The following PANK2 variants were observed in gnomAD, a reference collection of about 807,000 sequenced individuals.
The protein encoded by PANK2 is pantothenate kinase 2.
PANK2 carries 36 observed loss-of-function variants against 43.1 expected under a neutral mutation model. The observed-to-expected ratio is 0.84, with a 90% CI of 0.64 to 1.10. The LOEUF is 1.10. Ranked by LOEUF, PANK2 falls within the 50% of genes least tolerant of loss-of-function variation. The pLI is 0.00. For synonymous variants in PANK2, 281 were observed against 238.2 expected, an observed-to-expected ratio of 1.18 and a Z score of -1.66; for missense variants, 576 against 593.3, an observed-to-expected ratio of 0.97 and a Z score of 0.30.
intron 1 of PANK2, chr20:3,890,080 C>T (rs1048919197): frequency 1.8e-6 from 1 of 559,960 alleles, no homozygotes. Context: ...TCCTTTCCTC[C>T]CAAATCCTTT....
chr20:3,913,917 T>C (rs1421288231), intron 4 of PANK2, among the ~76,000 whole-genome samples: 5 of 151,420 alleles, frequency 3.3e-5, no homozygotes, highest in Admixed American at 3.3e-4. Flanking sequence ...GCCTTCCAAG[T>C]AGCTGGGACT....
chr20:3,893,320 C>T (rs182361314), intron 1 of PANK2, among the ~76,000 whole-genome samples: 17 of 152,238 alleles, frequency 1.1e-4, no homozygotes, highest in Admixed American at 1.1e-3. Context: ...CTGTGGTTCT[C>T]AAGTTTTTAA....
Position 3,910,666 on chromosome 20 carries a change from G to A in PANK2, c.741G>A (p.Arg247=). 6.2e-7 allele frequency: 1 copy of A among 1,614,116 alleles called. No individual in the cohort carries two copies. The highest frequency in any genetic ancestry group is 1.7e-5 in the Admixed American group (1 of 60,008). The change falls in exon 3 of 7, where the codon CGG becomes CGA. Residue 247 remains arginine, a synonymous_variant. Coordinates refer to ENST00000610179, the MANE Select transcript of PANK2 (RefSeq NM_001386393.1). ...TTGACTCAGTCGGATTCAATGGACG[G>A]TCACAGTGCTATTACTTTGAAAACC... is the stretch of plus-strand genomic sequence containing the variant.
rs1204101211 is a variant in PANK2 at position 3,926,030 on chromosome 20, G to A, written c.*2736G>A. 6.6e-6 allele frequency: 1 copy of A among 152,592 alleles called. No individual in the cohort carries two copies. Among genetic ancestry groups the A allele is most frequent in the African/African-American group, 2.4e-5 (1 of 41,448 alleles). 9.5% of individuals were successfully genotyped at this position (152,592 alleles called of 1,614,324 possible). ...GGTGAGAAAGGAAGGCCTGAACTAA[G>A]ATGGGAGGTGGGTGGCCAGAATGGA... On this transcript the variant is annotated 3_prime_UTR_variant, in exon 7 of 7. Transcript: ENST00000610179.
chr20:3,908,642 C>T (rs1447134695), intron 2 of PANK2: 2 of 238,040 alleles, frequency 8.4e-6, no homozygotes, highest in Admixed American at 5.2e-5. Context: ...TCAGTCTTGT[C>T]TACCACATAA....
upstream of PANK2, chr20:3,888,890 G>A (rs1600472895): frequency 1.2e-5 from 6 of 519,042 alleles, no homozygotes; most frequent in East Asian, 9.1e-5. Context: ...ACTAGGCCGA[G>A]GGACAAAGGC....
chr20:3,888,868 G>T, upstream of PANK2: 1 of 483,224 alleles, frequency 2.1e-6, no homozygotes, highest in Non-Finnish European at 3.7e-6. Flanking sequence ...CGGCCTCGAC[G>T]GCAGCTGCGG....
intron 5 of PANK2, chr20:3,917,721 A>C: frequency 1.6e-5 from 3 of 191,360 alleles, no homozygotes. Flanking sequence ...GCTTAAAAGG[A>C]AACCTCAAAA....
At chr20:3,895,695 A>G (rs1161306694) in intron 1 of PANK2, among the ~76,000 whole-genome samples, 1 of 152,096 alleles carries the variant, frequency 6.6e-6, no homozygotes, top group Non-Finnish European at 1.5e-5. Context: ...TGTTCAGGTA[A>G]GACTGACTGG....
rs1489698872 is a variant in PANK2, at chr20:3,928,025, A to G, written c.*4731A>G. The stretch of plus-strand genomic sequence containing the variant: ...CTTTTTCTTCTGATATCCCCACTCA[A>G]ATGGAAGCACACTCCCCAGCACATG... On this transcript the variant is annotated 3_prime_UTR_variant, in exon 7 of 7. Coordinates refer to ENST00000610179, the MANE Select transcript of PANK2 (RefSeq NM_001386393.1). The G allele has an allele frequency of 6.6e-6, 1 of 152,118 alleles. No individual in the cohort carries two copies. The highest frequency in any genetic ancestry group is 2.4e-5 in the African/African-American group (1 of 41,400). 9.4% of individuals were successfully genotyped at this position (152,118 alleles called of 1,614,324 possible). A position where few individuals can be genotyped will look rare whatever the true frequency, so the allele number is the denominator to read the frequency against.
At chr20:3,922,996 G>A (rs543057400) in intron 6 of PANK2, among the ~76,000 whole-genome samples, 3 of 152,128 alleles carry the variant, frequency 2.0e-5, no homozygotes, top group Non-Finnish European at 4.4e-5. Context: ...CCCTCACTGC[G>A]GGTTTGGTTT....
At chr20:3,922,773 C>G (rs2090666457) in intron 6 of PANK2, among the ~76,000 whole-genome samples, 1 of 152,188 alleles carries the variant, frequency 6.6e-6, no homozygotes, top group Non-Finnish European at 1.5e-5. Flanking sequence ...TACTCTCCCT[C>G]CCTCTCCCAG....
intron 1 of PANK2, among the ~76,000 whole-genome samples, chr20:3,903,803 AT>A (rs2090344524): frequency 6.6e-6 from 1 of 151,330 alleles, no homozygotes; most frequent in South Asian, 2.1e-4. Flanking sequence ...AATTTTTTTT[AT>A]TTTTAGTAGA....
chr20:3,917,350 C>T lies in PANK2; in HGVS notation c.1206+300C>T, dbSNP rs998319558. The T allele has an allele frequency of 8.6e-5, 40 of 465,830 alleles. No homozygotes were observed. The Admixed American group carries it at 8.9e-4, about 10-fold the overall frequency. 28.9% of individuals were successfully genotyped at this position (465,830 alleles called of 1,614,324 possible). A position where few individuals can be genotyped will look rare whatever the true frequency, so the allele number is the denominator to read the frequency against. ...GACTGTTGGGGGTGATGATGGATAA[C>T]GATGCTGAATGTAGACTCCACACTC... On this transcript the variant is annotated intron_variant, in intron 5 of 6. Coordinates refer to ENST00000610179, the MANE Select transcript of PANK2 (RefSeq NM_001386393.1).
At chr20:3,923,027 GA>G (rs2090670925) in intron 6 of PANK2, among the ~76,000 whole-genome samples, 1 of 152,156 alleles carries the variant, frequency 6.6e-6, no homozygotes, top group Non-Finnish European at 1.5e-5. Context: ...ACAGTGGTCT[GA>G]AGTGCTTGGA....
chr20:3,898,550 TTAAG>T lies in PANK2; in HGVS notation c.298+8825_298+8828del, dbSNP rs1378750125. Among the ~76,000 whole-genome samples the T allele has an allele frequency of 5.9e-5, 9 of 152,164 alleles. No homozygotes were observed. In the East Asian group the frequency reaches 9.6e-4, roughly 16 times the overall value. ...AATATGTAAGGCTAGATGTTTCCGT[TTAAG>T]TACTACTTTGGGTATATCCTATTGG... On this transcript the variant is annotated intron_variant, in intron 1 of 6. Transcript: ENST00000610179.
Position 3,928,154 on chromosome 20 carries a change from TCTG to T in PANK2, c.*4863_*4865del, listed in dbSNP as rs2090754422. 1 of 152,298 alleles carries T rather than the reference TCTG, an allele frequency of 6.6e-6. No homozygotes were observed. The highest frequency in any genetic ancestry group is 1.9e-4 in the East Asian group (1 of 5,176). 9.4% of individuals were successfully genotyped at this position (152,298 alleles called of 1,614,324 possible). ...TGGACATGTCCATCTGCTTAAGAAA[TCTG>T]CTTAAGAAATCTGTAACAGCTACAG... On this transcript the variant is annotated 3_prime_UTR_variant, in exon 7 of 7. Transcript: ENST00000610179.
intron 1 of PANK2, among the ~76,000 whole-genome samples, chr20:3,903,328 AG>A (rs959211603): frequency 2.6e-5 from 4 of 150,944 alleles, no homozygotes; most frequent in Non-Finnish European, 5.9e-5. Context: ...TTGTATTTTT[AG>A]TAGAAACGAG....
At chr20:3,918,081 T>A (rs1568583572) in intron 5 of PANK2, among the ~76,000 whole-genome samples, 1 of 152,242 alleles carries the variant, frequency 6.6e-6, no homozygotes, top group Non-Finnish European at 1.5e-5. Flanking sequence ...ATTTCTGGTC[T>A]ACAGAAATGA....
Sources: gnomAD v4.1 joint callset for allele counts (sites outside exome capture counted in the v4.1 genomes callset) on GRCh38, gnomAD v4.1.1 for gene constraint, MANE v1.5 for transcripts, NCBI Gene and HGNC (gene_info 2026-07-23, HGNC 2026-07-21) for gene names.